DSC3: variants seen among roughly 807,000 people sequenced by gnomAD.
The protein encoded by DSC3 is desmocollin 3, also known as desmocollin-3.
In DSC3, 97 loss-of-function variants were observed where a neutral mutation model predicts 89.5. The observed-to-expected ratio is 1.08, with a 90% CI of 0.92 to 1.28. The LOEUF is 1.28. DSC3 is among the 50% of genes most tolerant of loss of function. DSC3 has a pLI of 0.00. For synonymous variants in DSC3, 436 were observed against 384.1 expected (o/e 1.14, Z -1.58); for missense variants, 1,199 against 1,085.3 (o/e 1.10, Z -1.47).
chr18:30,996,915 T>G lies in DSC3; in HGVS notation c.2369A>C (p.Glu790Ala). Residue 790 changes from glutamate (E) to alanine (A), a missense_variant, in exon 15 of 16, where the codon GAA becomes GCA. Glu to Ala is a moderately radical substitution (Grantham distance 107). Coordinates refer to ENST00000360428, the MANE Select transcript of DSC3 (RefSeq NM_001941.5). The part of the protein sequence containing the change: ...EMMKGGNQTL[E>A]SCRGAGHHHT... ...ATGATGCCCAGCCCCCCGGCAGGATTCCAAGGTCTGGTTTCCTCCTTTCAT... is the reference window on the plus strand; with the variant it reads ...ATGATGCCCAGCCCCCCGGCAGGATGCCAAGGTCTGGTTTCCTCCTTTCAT... The G allele has an allele frequency of 1.2e-6, 2 of 1,614,104 alleles. No homozygotes were observed. The highest frequency in any genetic ancestry group is 1.7e-6 in the Non-Finnish European group (2 of 1,180,028).
intron 12 of DSC3, among the ~76,000 whole-genome samples, chr18:31,005,450 C>G (rs759080453): frequency 2.2e-4 from 33 of 152,160 alleles, no homozygotes; most frequent in Non-Finnish European, 4.4e-4. Context: ...ATTCCCAATG[C>G]ATAATTGCTG....
chr18:31,013,614 T>C (rs1985141506), intron 9 of DSC3, among the ~76,000 whole-genome samples: 3 of 152,162 alleles, frequency 2.0e-5, no homozygotes, highest in African/African-American at 7.2e-5. Context: ...CATAGAAAGC[T>C]GGCTAAAAGA....
chr18:31,002,194 A>G (rs1411144170), intron 13 of DSC3, among the ~76,000 whole-genome samples: 1 of 152,226 alleles, frequency 6.6e-6, no homozygotes, highest in African/African-American at 2.4e-5. Flanking sequence ...CTTGCCTATT[A>G]AGAATTCTTA....
Position 30,996,896 on chromosome 18 carries a change from C to T in DSC3, c.2388G>A (p.Gly796=), listed in dbSNP as rs2034377756. ...NQTLESCRGA[G]HHHTLDSCRG... ...TGCAGGAGTCCAGGGTATGATGATG[C>T]CCAGCCCCCCGGCAGGATTCCAAGG... The change falls in exon 15 of 16, where the codon GGG becomes GGA. Residue 796 remains glycine, a synonymous_variant. Coordinates refer to ENST00000360428, the MANE Select transcript of DSC3 (RefSeq NM_001941.5). 1.9e-6 allele frequency: 3 copies of T among 1,613,908 alleles called. No homozygotes were observed. Among genetic ancestry groups the T allele is most frequent in the Non-Finnish European group, 2.5e-6 (3 of 1,179,990 alleles).
intron 9 of DSC3, among the ~76,000 whole-genome samples, chr18:31,011,150 A>C (rs1201102391): frequency 6.6e-6 from 1 of 152,144 alleles, no homozygotes; most frequent in Non-Finnish European, 1.5e-5. Flanking sequence ...TCTACACTAC[A>C]TCCTAGCTGT....
chr18:31,016,343 T>C (rs190643105), intron 9 of DSC3, among the ~76,000 whole-genome samples: 16 of 152,328 alleles, frequency 1.1e-4, no homozygotes, highest in African/African-American at 3.6e-4. Context: ...GCTCTTGAAT[T>C]CTTTTCCAGG....
chr18:31,001,068 T>TGTGTG, intron 14 of DSC3, among the ~76,000 whole-genome samples: 1 of 135,696 alleles, frequency 7.4e-6, no homozygotes, highest in African/African-American at 2.7e-5. Flanking sequence ...TACTTTGTGT[T>TGTGTG]TATATATACT....
intron 1 of DSC3, among the ~76,000 whole-genome samples, chr18:31,036,741 A>T (rs1985981002): frequency 6.6e-6 from 1 of 151,414 alleles, no homozygotes; most frequent in African/African-American, 2.4e-5. Context: ...TCCATCCATG[A>T]ACATGATTCA....
At chr18:31,037,701 A>G (rs1053661861) in intron 1 of DSC3, among the ~76,000 whole-genome samples, 5 of 152,170 alleles carry the variant, frequency 3.3e-5, no homozygotes, top group Non-Finnish European at 7.4e-5. Flanking sequence ...GGAGTTCGAG[A>G]CATGCCGGAC....
chr18:30,996,134 T>C (rs577351815), intron 15 of DSC3, among the ~76,000 whole-genome samples: 2 of 152,180 alleles, frequency 1.3e-5, no homozygotes, highest in Non-Finnish European at 2.9e-5. Context: ...TGGTGCTTTG[T>C]ATATTTAAAA....
intron 2 of DSC3, 65 bp downstream of exon 2, chr18:31,032,127 A>G (rs1335045608): frequency 6.1e-6 from 7 of 1,150,630 alleles, no homozygotes; most frequent in Non-Finnish European, 9.2e-6. Context: ...AAGGTATTAT[A>G]TCATGCTCTT....
At chr18:31,011,801 T>C (rs912872053) in intron 9 of DSC3, among the ~76,000 whole-genome samples, 1 of 151,804 alleles carries the variant, frequency 6.6e-6, no homozygotes, top group Non-Finnish European at 1.5e-5. Context: ...GAGACCAGCC[T>C]GGGCAACACG....
intron 9 of DSC3, among the ~76,000 whole-genome samples, chr18:31,009,470 T>A (rs563954361): frequency 7.9e-5 from 12 of 152,338 alleles, no homozygotes; most frequent in Non-Finnish European, 1.6e-4. Context: ...CTTGTCTTTT[T>A]GCTGGTTCCT....
intron 13 of DSC3, among the ~76,000 whole-genome samples, chr18:31,003,006 C>A (rs1259764690): frequency 6.6e-6 from 1 of 152,206 alleles, no homozygotes; most frequent in Non-Finnish European, 1.5e-5. Flanking sequence ...CCACTCTCAC[C>A]ACACTGGTTT....
At chr18:31,007,485 A>G (rs950813778) in intron 11 of DSC3, among the ~76,000 whole-genome samples, 1 of 152,166 alleles carries the variant, frequency 6.6e-6, no homozygotes, top group African/African-American at 2.4e-5. Context: ...ATATATTCAA[A>G]CCACTAGGAA....
At chr18:31,034,705 A>G (rs1405283333) in intron 1 of DSC3, among the ~76,000 whole-genome samples, 1 of 152,164 alleles carries the variant, frequency 6.6e-6, no homozygotes. Flanking sequence ...TATAAAACAT[A>G]CTCGGTGAAA....
chr18:31,039,560 A>G (rs1986070294), intron 1 of DSC3, among the ~76,000 whole-genome samples: 2 of 152,174 alleles, frequency 1.3e-5, no homozygotes, highest in Admixed American at 6.5e-5. Flanking sequence ...AAATTGCAAG[A>G]TTTACTGCTC....
chr18:31,039,410 A>G (rs986044002), intron 1 of DSC3, among the ~76,000 whole-genome samples: 2 of 152,316 alleles, frequency 1.3e-5, no homozygotes, highest in African/African-American at 2.4e-5. Context: ...ATGGAAATTT[A>G]TGGAATGTCT....
At chr18:31,010,883 T>C (rs1044629454) in intron 9 of DSC3, among the ~76,000 whole-genome samples, 2 of 152,226 alleles carry the variant, frequency 1.3e-5, no homozygotes, top group East Asian at 3.8e-4. Context: ...AAGTTATCTA[T>C]TTTGGAACAT....
Sources: allele counts gnomAD v4.1 joint callset (sites outside exome capture counted in the v4.1 genomes callset), GRCh38; gene constraint gnomAD v4.1.1; transcripts MANE v1.5; gene names NCBI Gene and HGNC (gene_info 2026-07-23, HGNC 2026-07-21).